The following BMP3 variants were observed in gnomAD, a reference collection of about 807,000 sequenced individuals.
BMP3 encodes the protein bone morphogenetic protein 3 (osteogenic).
A neutral mutation model predicts 38.1 loss-of-function variants in BMP3; 23 were observed. That is an observed-to-expected ratio of 0.60 (90% CI 0.43 to 0.86). The LOEUF (loss-of-function observed/expected upper bound fraction) is 0.86, where lower values mean the gene tolerates loss of function less well. BMP3 is among the 40% of genes least tolerant of loss of function. The probability of loss-of-function intolerance (pLI) is 0.00; values close to 1 mark genes in which losing one functional copy is unlikely to be tolerated. For missense variants in BMP3, 628 were observed against 579.6 expected (o/e 1.08, Z -0.86); for synonymous variants, 258 against 225.7 (o/e 1.14, Z -1.28).
At chr4:81,033,646 C>G (rs1739837604) in intron 1 of BMP3, among the ~76,000 whole-genome samples, 1 of 152,010 alleles carries the variant, frequency 6.6e-6, no homozygotes, top group Non-Finnish European at 1.5e-5. Context: ...CGTGTTGGGC[C>G]CCTTCCAAGA....
chr4:81,053,482 T>C lies in BMP3; in HGVS notation c.1365T>C (p.Asn455=). 1 of 1,608,812 alleles carries C rather than the reference T, an allele frequency of 6.2e-7. No individual in the cohort carries two copies. Among genetic ancestry groups the C allele is most frequent in the South Asian group, 1.1e-5 (1 of 90,182 alleles). The change falls in exon 3 of 3, where the codon AAT becomes AAC. Residue 455 remains asparagine (N), a synonymous_variant. Transcript: ENST00000282701. ...LSILFFDENK[N]VVLKVYPNMT... The stretch of plus-strand genomic sequence containing the variant: ...TTTTATTCTTTGATGAAAATAAGAA[T>C]GTAGTGCTTAAAGTATACCCTAACA...
intron 1 of BMP3, among the ~76,000 whole-genome samples, chr4:81,036,850 G>A (rs1023852549): frequency 6.6e-6 from 1 of 151,974 alleles, no homozygotes; most frequent in Admixed American, 6.6e-5. Context: ...GGCATATACA[G>A]CAGTACTCCT....
chr4:81,048,626 G>A (rs1473130465), intron 2 of BMP3, among the ~76,000 whole-genome samples: 3 of 152,158 alleles, frequency 2.0e-5, no homozygotes, highest in Non-Finnish European at 2.9e-5. Context: ...GAAACCTGCT[G>A]TTACTTCAGA....
chr4:81,050,250 T>C (rs774023420), intron 2 of BMP3, among the ~76,000 whole-genome samples: 3 of 152,156 alleles, frequency 2.0e-5, no homozygotes, highest in Non-Finnish European at 4.4e-5. Flanking sequence ...CATACACGGC[T>C]TGGCAGGTGC....
rs1739740956 is a variant in BMP3, at chr4:81,031,103, C to T, written c.-182C>T. 1 of 639,282 alleles carries T rather than the reference C, an allele frequency of 1.6e-6. No homozygotes were observed. Among genetic ancestry groups the T allele is most frequent in the Non-Finnish European group, 2.6e-6 (1 of 386,424 alleles). 39.6% of individuals were successfully genotyped at this position (639,282 alleles called of 1,614,324 possible). A position where few individuals can be genotyped will look rare whatever the true frequency, so the allele number is the denominator to read the frequency against. On this transcript the variant is annotated 5_prime_UTR_variant, in exon 1 of 3. Coordinates refer to ENST00000282701, the MANE Select transcript of BMP3 (RefSeq NM_001201.5). The stretch of plus-strand genomic sequence containing the variant: ...GGAAGAGCCCACCTGTCAGGCTGCG[C>T]TGGGTCAGCGCAGCAAGTGGGGCTG...
chr4:81,035,097 T>C (rs539378122), intron 1 of BMP3, among the ~76,000 whole-genome samples: 117 of 151,944 alleles, frequency 7.7e-4, no homozygotes, highest in Admixed American at 1.8e-3. Flanking sequence ...GAGATGGGTG[T>C]GCAGCTGCTT....
intron 1 of BMP3, among the ~76,000 whole-genome samples, chr4:81,040,317 T>G (rs1740035593): frequency 1.3e-5 from 2 of 152,262 alleles, no homozygotes; most frequent in South Asian, 4.1e-4. Flanking sequence ...TATAGTTACT[T>G]GCAAGGGATG....
Position 81,031,221 on chromosome 4 carries a change from C to A in BMP3, c.-64C>A, listed in dbSNP as rs941972422. On this transcript the variant is annotated 5_prime_UTR_variant, in exon 1 of 3. Coordinates refer to ENST00000282701, the MANE Select transcript of BMP3 (RefSeq NM_001201.5). ...TCAACCCTCGGCTCCGCCGCCGGCT[C>A]CTTGCGCCTTCGGAGTGTCCCGCAG... 68 of 1,467,442 alleles carry A rather than the reference C, an allele frequency of 4.6e-5. No individual in the cohort carries two copies. Among genetic ancestry groups the A allele is most frequent in the Non-Finnish European group, 6.1e-5 (67 of 1,105,230 alleles). 90.9% of individuals were successfully genotyped at this position (1,467,442 alleles called of 1,614,324 possible).
chr4:81,037,366 A>T, intron 1 of BMP3: 1 of 266,072 alleles, frequency 3.8e-6, no homozygotes, highest in Non-Finnish European at 7.8e-6. Flanking sequence ...AGAAAAGATT[A>T]TTAGTGTTTT....
intron 1 of BMP3, among the ~76,000 whole-genome samples, chr4:81,044,662 G>A (rs1402384830): frequency 6.6e-6 from 1 of 152,104 alleles, no homozygotes; most frequent in Non-Finnish European, 1.5e-5. Flanking sequence ...GGCAAACACC[G>A]ATCTGATTCT....
At chr4:81,052,909 A>G (rs1464718318) in intron 2 of BMP3, among the ~76,000 whole-genome samples, 1 of 152,104 alleles carries the variant, frequency 6.6e-6, no homozygotes, top group Non-Finnish European at 1.5e-5. Flanking sequence ...TCAATAACGA[A>G]TCATTTTTTG....
chr4:81,053,570 A>G lies in BMP3; in HGVS notation c.*34A>G. ...AGAACTCATTTGAATGCTTAATTCA[A>G]TCATTAGTTTATTTTTATGGACTTC... On this transcript the variant is annotated 3_prime_UTR_variant, in exon 3 of 3. Coordinates refer to ENST00000282701, the MANE Select transcript of BMP3 (RefSeq NM_001201.5). The G allele has an allele frequency of 7.9e-7, 1 of 1,261,322 alleles. No individual in the cohort carries two copies. The highest frequency in any genetic ancestry group is 1.0e-6 in the Non-Finnish European group (1 of 961,080). 78.1% of individuals were successfully genotyped at this position (1,261,322 alleles called of 1,614,324 possible).
At chr4:81,048,941 AAAAAT>A (rs975529602) in intron 2 of BMP3, among the ~76,000 whole-genome samples, 24 of 152,222 alleles carry the variant, frequency 1.6e-4, no homozygotes, top group Non-Finnish European at 3.4e-4. Context: ...TTTGAGTAGC[AAAAAT>A]AAAAGTCAAA....
At position 81,046,312 on chromosome 4, in the gene BMP3, G is replaced by T; in HGVS notation, c.891G>T (p.Leu297=). The T allele has an allele frequency of 1.2e-6, 2 of 1,614,074 alleles. No individual in the cohort carries two copies. Among genetic ancestry groups the T allele is most frequent in the Non-Finnish European group, 1.7e-6 (2 of 1,180,012 alleles). ...KKRSTGVLLP[L]QNNELPGAEY... is the part of the protein sequence containing the mutation. Reference sequence around the variant, plus strand: ...GCTCTACTGGGGTCTTGCTGCCTCTGCAGAACAACGAGCTTCCTGGGGCAG... The same window carrying T: ...GCTCTACTGGGGTCTTGCTGCCTCTTCAGAACAACGAGCTTCCTGGGGCAG... Residue 297 remains leucine, a synonymous_variant, in exon 2 of 3, where the codon CTG becomes CTT. Transcript: ENST00000282701.
At position 81,046,452 on chromosome 4, in the gene BMP3, G is replaced by T; in HGVS notation, c.1031G>T (p.Arg344Leu). Residue 344 changes from arginine (R) to leucine (L), a missense_variant, in exon 2 of 3, where the codon CGG (arginine) becomes CTG (leucine). Arg to Leu is a moderately radical substitution (Grantham distance 102). Coordinates refer to ENST00000282701, the MANE Select transcript of BMP3 (RefSeq NM_001201.5). Reference sequence around the variant, plus strand: ...AAGAAACAGAGAAAGGGGCCTCATCGGAAGAGCCAGACGCTCCAATTTGAT... The same window carrying T: ...AAGAAACAGAGAAAGGGGCCTCATCTGAAGAGCCAGACGCTCCAATTTGAT... ...NKKKQRKGPH[R>L]KSQTLQFDEQ... 2.5e-6 allele frequency: 4 copies of T among 1,613,984 alleles called. No individual in the cohort carries two copies. Among genetic ancestry groups the T allele is most frequent in the Non-Finnish European group, 3.4e-6 (4 of 1,179,978 alleles).
intron 2 of BMP3, among the ~76,000 whole-genome samples, chr4:81,050,788 T>G (rs1740382681): frequency 6.6e-6 from 1 of 152,122 alleles, no homozygotes; most frequent in African/African-American, 2.4e-5. Flanking sequence ...TGCTTCACCC[T>G]CATTAGAAAG....
rs777264572 is a variant in BMP3, at chr4:81,031,540, T to C, written c.256T>C (p.Trp86Arg). 1.4e-5 allele frequency: 22 copies of C among 1,611,408 alleles called. No homozygotes were observed. Among genetic ancestry groups the C allele is most frequent in the East Asian group, 2.2e-5 (1 of 44,746 alleles). The change falls in exon 1 of 3, where the codon TGG becomes CGG. Residue 86 changes from tryptophan to arginine, a missense_variant. Physicochemically the swap from Trp to Arg is moderately radical, Grantham distance 101 (BLOSUM62 -3). Transcript: ENST00000282701. The stretch of plus-strand genomic sequence containing the variant: ...CTCCCTGGAGGGAGGCTCGCAGCCC[T>C]GGCGCCCTCGGCTCCTGCGCGAAGG... ...PGSLEGGSQPWRPRLLREGNT... is the reference protein window; with the variant it reads ...PGSLEGGSQPRRPRLLREGNT...
At position 81,056,039 on chromosome 4, in the gene BMP3, AAATGTATT is replaced by A. The variant is rs1740548630; in HGVS notation, c.*2507_*2514del. ...ATCTTTCAGTAGTAGAGATTGAAGT[AAATGTATT>A]AATATTTTAATTAATACAGATTTAC... is the stretch of plus-strand genomic sequence containing the variant. On this transcript the variant is annotated 3_prime_UTR_variant, in exon 3 of 3. Coordinates refer to ENST00000282701, the MANE Select transcript of BMP3 (RefSeq NM_001201.5). The A allele has an allele frequency of 6.6e-6, 1 of 152,192 alleles. No homozygotes were observed. Among genetic ancestry groups the A allele is most frequent in the Non-Finnish European group, 1.5e-5 (1 of 68,030 alleles). 9.4% of individuals were successfully genotyped at this position (152,192 alleles called of 1,614,324 possible).
intron 1 of BMP3, among the ~76,000 whole-genome samples, chr4:81,043,903 T>C (rs1740160745): frequency 1.3e-5 from 2 of 152,294 alleles, no homozygotes; most frequent in South Asian, 4.1e-4. Context: ...CCTACATTTT[T>C]TGAAGTAGGT....
Sources: gnomAD v4.1 joint callset for allele counts (sites outside exome capture counted in the v4.1 genomes callset) on GRCh38, gnomAD v4.1.1 for gene constraint, MANE v1.5 for transcripts, NCBI Gene and HGNC (gene_info 2026-07-23, HGNC 2026-07-21) for gene names.